NCALD: variants seen among roughly 807,000 people sequenced by gnomAD.
The protein encoded by NCALD is neurocalcin-delta.
Under a neutral mutation model 18.6 loss-of-function variants are expected in NCALD, and 10 were observed. That is an observed-to-expected ratio of 0.54 (90% confidence interval 0.33 to 0.91). NCALD has a LOEUF of 0.91. NCALD is among the 40% of genes least tolerant of loss of function. NCALD has a pLI of 0.03. For synonymous variants in NCALD, 88 were observed against 87.4 expected (o/e 1.01, Z -0.04); for missense variants, 184 against 247.6 (o/e 0.74, Z 1.72).
chr8:101,999,077 A>C (rs1821346284), intron 2 of NCALD, among the ~76,000 whole-genome samples: 1 of 140,902 alleles, frequency 7.1e-6, no homozygotes, highest in African/African-American at 2.5e-5. Flanking sequence ...CACCATCAAA[A>C]AAAAAAAAAA....
At chr8:101,974,311 T>C (rs116188678) in intron 2 of NCALD, among the ~76,000 whole-genome samples, 2 of 152,208 alleles carry the variant, frequency 1.3e-5, no homozygotes, top group Non-Finnish European at 2.9e-5. Flanking sequence ...ATCTTTGATA[T>C]ATAAACTAAG....
intron 2 of NCALD, among the ~76,000 whole-genome samples, chr8:102,005,618 G>A (rs1220443890): frequency 6.6e-6 from 1 of 152,084 alleles, no homozygotes; most frequent in African/African-American, 2.4e-5. Context: ...CAAAGACTTG[G>A]AACTAACCCA....
chr8:102,117,142 C>T (rs749776144), intron 1 of NCALD, among the ~76,000 whole-genome samples: 4 of 152,154 alleles, frequency 2.6e-5, no homozygotes, highest in South Asian at 2.1e-4. Context: ...CCTCCGGAGC[C>T]GTGAGAGGAT....
intron 4 of NCALD, among the ~76,000 whole-genome samples, chr8:101,867,734 C>T (rs1312661897): frequency 6.6e-6 from 1 of 152,138 alleles, no homozygotes; most frequent in Non-Finnish European, 1.5e-5. Flanking sequence ...TGTTATCTCC[C>T]TGCTGAATCT....
At chr8:101,734,202 C>G (rs1435990442) in intron 1 of NCALD, among the ~76,000 whole-genome samples, 1 of 152,178 alleles carries the variant, frequency 6.6e-6, no homozygotes, top group East Asian at 1.9e-4. Context: ...TTCTCAGGAC[C>G]TGAAACGCCC....
At chr8:101,758,611 C>T (rs1448117818) in intron 1 of NCALD, among the ~76,000 whole-genome samples, 4 of 152,200 alleles carry the variant, frequency 2.6e-5, no homozygotes, top group Non-Finnish European at 5.9e-5. Context: ...TTACTCACCA[C>T]ATCCACCACA....
intron 1 of NCALD, among the ~76,000 whole-genome samples, chr8:102,061,855 A>G (rs1375478093): frequency 6.6e-6 from 1 of 152,242 alleles, no homozygotes; most frequent in Non-Finnish European, 1.5e-5. Flanking sequence ...AACCCAGTCA[A>G]AACTTTGTAT....
At chr8:101,692,715 G>A (rs1814786721) in intron 3 of NCALD, 76 bp downstream of exon 3, 3 of 1,472,422 alleles carry the variant, frequency 2.0e-6, no homozygotes, top group Non-Finnish European at 2.8e-6. Context: ...GCCTCGAGTG[G>A]CACTTCCCAG....
chr8:101,910,882 T>A (rs1326653198), intron 3 of NCALD, among the ~76,000 whole-genome samples: 1 of 152,186 alleles, frequency 6.6e-6, no homozygotes, highest in African/African-American at 2.4e-5. Context: ...CCTAAGACTT[T>A]CCTAAGAATT....
intron 3 of NCALD, chr8:101,691,471 C>A (rs185803155): frequency 1.0e-6 from 1 of 985,300 alleles, no homozygotes. Flanking sequence ...CCTGTGACAT[C>A]TGATCTTCTC....
chr8:101,934,569 G>C (rs183285352), intron 2 of NCALD, among the ~76,000 whole-genome samples: 1 of 152,268 alleles, frequency 6.6e-6, no homozygotes, highest in Non-Finnish European at 1.5e-5. Context: ...GAATCTAAGA[G>C]TCGGGAGCTT....
intron 1 of NCALD, among the ~76,000 whole-genome samples, chr8:101,743,779 G>A (rs1810312303): frequency 6.6e-6 from 1 of 152,190 alleles, no homozygotes; most frequent in Admixed American, 6.5e-5. Flanking sequence ...ATGTCCTGAG[G>A]ATGAGGCACA....
At chr8:102,106,126 G>A (rs1269821527) in intron 1 of NCALD, among the ~76,000 whole-genome samples, 2 of 151,170 alleles carry the variant, frequency 1.3e-5, no homozygotes, top group East Asian at 3.9e-4. Context: ...CTGGAGTGCA[G>A]TGGCGCAATC....
intron 1 of NCALD, among the ~76,000 whole-genome samples, chr8:102,077,725 G>A (rs1047531381): frequency 3.9e-5 from 6 of 152,120 alleles, no homozygotes; most frequent in Non-Finnish European, 8.8e-5. Flanking sequence ...CAGACTGGAA[G>A]GGGCCCTACA....
rs1048200548 is a variant in NCALD at position 101,858,172 on chromosome 8, T to C, written c.-20+28969A>G. On this transcript the variant is annotated intron_variant, in intron 4 of 6. Coordinates refer to the NCALD transcript ENST00000311028. ...AAAGGAATGTAAAAATTTACACACATAAAAGAGGATGAAGAAGAGATAACA... is the reference window on the plus strand; with the variant it reads ...AAAGGAATGTAAAAATTTACACACACAAAAGAGGATGAAGAAGAGATAACA... 2.0e-5 allele frequency among the ~76,000 whole-genome samples: 3 copies of C among 149,680 alleles called. No homozygotes were observed. The South Asian group carries it at 6.4e-4, about 32-fold the overall frequency.
intron 2 of NCALD, among the ~76,000 whole-genome samples, chr8:102,015,890 A>G (rs1440711709): frequency 6.6e-6 from 1 of 152,218 alleles, no homozygotes; most frequent in African/African-American, 2.4e-5. Context: ...GATGAGCCCC[A>G]GCTCTCTCTC....
At chr8:102,055,722 C>G (rs190012994) in intron 1 of NCALD, among the ~76,000 whole-genome samples, 1 of 152,344 alleles carries the variant, frequency 6.6e-6, no homozygotes, top group East Asian at 1.9e-4. Context: ...CACTCTCACT[C>G]TTAAACACAA....
At chr8:102,007,134 C>T (rs777368513) in intron 2 of NCALD, among the ~76,000 whole-genome samples, 5 of 152,116 alleles carry the variant, frequency 3.3e-5, no homozygotes, top group Admixed American at 6.5e-5. Flanking sequence ...ATGTGATAGC[C>T]TGGATTAAAC....
intron 1 of NCALD, among the ~76,000 whole-genome samples, chr8:101,734,487 C>T (rs1816988088): frequency 6.6e-6 from 1 of 152,230 alleles, no homozygotes; most frequent in Admixed American, 6.5e-5. Context: ...GTATCCCTGG[C>T]ACCTAACGCC....
Sources: gnomAD v4.1 joint callset for allele counts (sites outside exome capture counted in the v4.1 genomes callset) on GRCh38, gnomAD v4.1.1 for gene constraint, MANE v1.5 for transcripts, NCBI Gene and HGNC (gene_info 2026-07-23, HGNC 2026-07-21) for gene names.